PCCA: variants seen among roughly 807,000 people sequenced by gnomAD.
PCCA encodes the protein propionyl-CoA carboxylase alpha chain, mitochondrial.
In PCCA, 74 loss-of-function variants were observed where a neutral mutation model predicts 101.3. That is an observed-to-expected ratio of 0.73 (90% CI 0.61 to 0.89). PCCA has a LOEUF of 0.89. Ranked by LOEUF, PCCA falls within the 40% of genes least tolerant of loss-of-function variation. The probability of loss-of-function intolerance (pLI) is 0.00; values close to 1 mark genes in which losing one functional copy is unlikely to be tolerated. For synonymous variants in PCCA, 294 were observed against 313.6 expected, an observed-to-expected ratio of 0.94 and a Z score of 0.66; for missense variants, 891 against 907.0, an observed-to-expected ratio of 0.98 and a Z score of 0.23.
At chr13:100,491,670 T>C (rs756350348) in intron 21 of PCCA, 10 of 1,304,096 alleles carry the variant, frequency 7.7e-6, no homozygotes, top group African/African-American at 1.5e-5. Flanking sequence ...AGCTTCTGGA[T>C]TGACTGTGAG....
Position 100,232,610 on chromosome 13 carries a change from C to A in PCCA, c.601-3232C>A, listed in dbSNP as rs1349605784. On this transcript the variant is annotated intron_variant, in intron 7 of 23. Coordinates refer to ENST00000376285, the MANE Select transcript of PCCA (RefSeq NM_000282.4). Reference sequence around the variant, plus strand: ...TGCCCAGGCTAGTCTCAAACTCCTACCCTCAAGTGATCCTCCCATCTTGGC... The same window carrying A: ...TGCCCAGGCTAGTCTCAAACTCCTAACCTCAAGTGATCCTCCCATCTTGGC... 2.0e-5 allele frequency among the ~76,000 whole-genome samples: 3 copies of A among 151,938 alleles called. No homozygotes were observed. The East Asian group carries it at 5.8e-4, about 29-fold the overall frequency.
intron 19 of PCCA, among the ~76,000 whole-genome samples, chr13:100,396,403 G>A (rs1230986702): frequency 6.6e-6 from 1 of 152,212 alleles, no homozygotes; most frequent in East Asian, 1.9e-4. Context: ...AGTGGCTGAT[G>A]TAATAAGCAC....
chr13:100,279,682 G>A (rs1020812459), intron 12 of PCCA, among the ~76,000 whole-genome samples: 2 of 152,010 alleles, frequency 1.3e-5, no homozygotes, highest in Non-Finnish European at 2.9e-5. Context: ...TACCATGTTG[G>A]CCAGGATGGT....
chr13:100,138,011 A>G (rs2051393745), intron 4 of PCCA, among the ~76,000 whole-genome samples: 1 of 150,260 alleles, frequency 6.7e-6, no homozygotes, highest in African/African-American at 2.5e-5. Context: ...CTGGTCTTGA[A>G]CTCCTGGACT....
chr13:100,377,851 G>T (rs1250403532), intron 19 of PCCA, among the ~76,000 whole-genome samples: 1 of 151,976 alleles, frequency 6.6e-6, no homozygotes, highest in Non-Finnish European at 1.5e-5. Flanking sequence ...GGTTATTATT[G>T]ATATATGAGG....
intron 19 of PCCA, among the ~76,000 whole-genome samples, chr13:100,402,032 G>T (rs535933526): frequency 1.3e-5 from 2 of 152,236 alleles, no homozygotes; most frequent in African/African-American, 4.8e-5. Flanking sequence ...GTGATGAGAT[G>T]TTTACCTCTG....
At chr13:100,503,489 C>T (rs1162489658) in intron 21 of PCCA, among the ~76,000 whole-genome samples, 1 of 151,296 alleles carries the variant, frequency 6.6e-6, no homozygotes, top group African/African-American at 2.4e-5. Flanking sequence ...AAACTCCATC[C>T]CCCCCCAAAA....
At chr13:100,423,349 C>G (rs553280186) in intron 19 of PCCA, among the ~76,000 whole-genome samples, 1 of 152,308 alleles carries the variant, frequency 6.6e-6, no homozygotes, top group East Asian at 1.9e-4. Flanking sequence ...TTCAAAGAGA[C>G]ATTCTCTACT....
chr13:100,246,363 G>A (rs1434453664), intron 8 of PCCA, among the ~76,000 whole-genome samples: 1 of 152,168 alleles, frequency 6.6e-6, no homozygotes, highest in Non-Finnish European at 1.5e-5. Flanking sequence ...AGGCTGGAGT[G>A]CAGTGGTGTG....
chr13:100,259,880 A>G (rs1194650641), intron 9 of PCCA, among the ~76,000 whole-genome samples: 1 of 152,180 alleles, frequency 6.6e-6, no homozygotes, highest in African/African-American at 2.4e-5. Context: ...AGTTCAGTAA[A>G]TACTTATTGA....
chr13:100,448,876 C>T (rs939767379), intron 20 of PCCA, among the ~76,000 whole-genome samples: 2 of 152,180 alleles, frequency 1.3e-5, no homozygotes. Context: ...GTTCCACCAC[C>T]ACCACAGTCA....
chr13:100,420,895 G>C (rs897392713), intron 19 of PCCA, among the ~76,000 whole-genome samples: 3 of 152,090 alleles, frequency 2.0e-5, no homozygotes, highest in Non-Finnish European at 4.4e-5. Flanking sequence ...CAGAGAAAAT[G>C]AGCACACTTC....
chr13:100,303,538 A>C (rs911606105), intron 14 of PCCA, among the ~76,000 whole-genome samples: 2 of 152,122 alleles, frequency 1.3e-5, no homozygotes, highest in African/African-American at 4.8e-5. Context: ...TTCTGTATTT[A>C]ATAGCTATTT....
At position 100,530,228 on chromosome 13, in the gene PCCA, C is replaced by A; in HGVS notation, c.*62C>A. 1 of 1,276,796 alleles carries A rather than the reference C, an allele frequency of 7.8e-7. No individual in the cohort carries two copies. The highest frequency in any genetic ancestry group is 2.3e-5 in the East Asian group (1 of 43,298). The allele number at this position is 1,276,796 out of a possible 1,614,324, so 79.1% of individuals were successfully genotyped here. A position where few individuals can be genotyped will look rare whatever the true frequency, so the allele number is the denominator to read the frequency against. The stretch of plus-strand genomic sequence containing the variant: ...TAGCCATTTGCATGATGCTTTCACA[C>A]ACAATTGATTCAAGCATTATACAGG... On this transcript the variant is annotated 3_prime_UTR_variant, in exon 24 of 24. Coordinates refer to ENST00000376285, the MANE Select transcript of PCCA (RefSeq NM_000282.4).
At chr13:100,114,378 A>T (rs900317662) in intron 4 of PCCA, among the ~76,000 whole-genome samples, 2 of 152,134 alleles carry the variant, frequency 1.3e-5, no homozygotes, top group African/African-American at 4.8e-5. Flanking sequence ...TGAGTTTGAG[A>T]CCTAGAATAA....
At chr13:100,415,555 C>T (rs1012329593) in intron 19 of PCCA, among the ~76,000 whole-genome samples, 10 of 152,176 alleles carry the variant, frequency 6.6e-5, no homozygotes, top group Non-Finnish European at 1.5e-4. Context: ...ACCAACAAAT[C>T]GGTTTTTTAT....
At chr13:100,512,362 C>T (rs917871866) in intron 21 of PCCA, among the ~76,000 whole-genome samples, 2 of 152,196 alleles carry the variant, frequency 1.3e-5, no homozygotes, top group Non-Finnish European at 2.9e-5. Flanking sequence ...GTCATTCAGT[C>T]CTTAGATAAC....
At chr13:100,369,232 G>A (rs1384165334) in intron 19 of PCCA, among the ~76,000 whole-genome samples, 1 of 152,132 alleles carries the variant, frequency 6.6e-6, no homozygotes, top group African/African-American at 2.4e-5. Flanking sequence ...ACTCAAGGAG[G>A]TTGCTATTAA....
intron 1 of PCCA, among the ~76,000 whole-genome samples, chr13:100,102,594 T>C (rs1052743213): frequency 7.2e-5 from 11 of 152,242 alleles, no homozygotes; most frequent in African/African-American, 2.7e-4. Context: ...GACCCTGCTC[T>C]ATCCTTTTGA....
Sources: gnomAD v4.1 joint callset for allele counts (sites outside exome capture counted in the v4.1 genomes callset) on GRCh38, gnomAD v4.1.1 for gene constraint, MANE v1.5 for transcripts, NCBI Gene and HGNC (gene_info 2026-07-23, HGNC 2026-07-21) for gene names.